The following KCNN2 variants were observed in gnomAD, a reference collection of about 807,000 sequenced individuals.
The protein encoded by KCNN2 is small conductance calcium-activated potassium channel protein 2.
A neutral mutation model predicts 55.5 loss-of-function variants in KCNN2; 24 were observed. The observed-to-expected ratio is 0.43, with a 90% CI of 0.31 to 0.61. The LOEUF is 0.61. Among genes scored for constraint, KCNN2 ranks in the 20% least tolerant of loss-of-function variants. KCNN2 has a pLI of 0.08. For synonymous variants in KCNN2, 431 were observed against 336.1 expected (o/e 1.28, Z -3.09); for missense variants, 754 against 853.6 (o/e 0.88, Z 1.45).
At chr5:114,103,027 C>T (rs182096923) in intron 1 of KCNN2, among the ~76,000 whole-genome samples, 39 of 152,204 alleles carry the variant, frequency 2.6e-4, no homozygotes, top group African/African-American at 9.1e-4. Context: ...TTACTTTGGG[C>T]AGTATGGCCA....
intron 1 of KCNN2, among the ~76,000 whole-genome samples, chr5:114,136,235 T>C (rs1752171405): frequency 6.6e-6 from 1 of 152,202 alleles, no homozygotes; most frequent in Non-Finnish European, 1.5e-5. Flanking sequence ...TGAAGACTAA[T>C]GCTATTATCA....
chr5:114,075,461 A>T (rs1187354127), intron 1 of KCNN2, among the ~76,000 whole-genome samples: 2 of 152,198 alleles, frequency 1.3e-5, no homozygotes, highest in African/African-American at 4.8e-5. Context: ...TCTCATTGAA[A>T]TTTTACTGTA....
chr5:114,080,669 A>G (rs1750794507), intron 1 of KCNN2, among the ~76,000 whole-genome samples: 1 of 152,220 alleles, frequency 6.6e-6, no homozygotes, highest in Non-Finnish European at 1.5e-5. Context: ...TAGTAAGAAT[A>G]GTAGGAACTA....
intron 2 of KCNN2, among the ~76,000 whole-genome samples, chr5:114,375,851 A>C (rs1408876672): frequency 6.6e-6 from 1 of 151,260 alleles, no homozygotes; most frequent in African/African-American, 2.4e-5. Flanking sequence ...AGAAAGCAAC[A>C]ACACAATTCA....
chr5:114,237,583 C>G (rs1045408172), intron 2 of KCNN2, among the ~76,000 whole-genome samples: 13 of 152,120 alleles, frequency 8.5e-5, no homozygotes, highest in Non-Finnish European at 1.9e-4. Context: ...AAGAAAGCAG[C>G]TTCACTTTTA....
At chr5:114,136,588 T>G (rs536620153) in intron 1 of KCNN2, among the ~76,000 whole-genome samples, 1 of 152,198 alleles carries the variant, frequency 6.6e-6, no homozygotes, top group South Asian at 2.1e-4. Flanking sequence ...GAAACTAATA[T>G]TTTTCTTCAT....
intron 1 of KCNN2, among the ~76,000 whole-genome samples, chr5:114,129,954 G>C (rs144027050): frequency 1.3e-5 from 2 of 152,304 alleles, no homozygotes; most frequent in East Asian, 3.9e-4. Context: ...ATAATTGCTA[G>C]AGGAGTCACT....
chr5:114,385,444 G>A (rs931218037), intron 2 of KCNN2, among the ~76,000 whole-genome samples: 14 of 151,686 alleles, frequency 9.2e-5, no homozygotes, highest in Admixed American at 3.9e-4. Context: ...TTCTTGTGGC[G>A]TATAATGTTC....
chr5:114,234,961 CAT>C (rs1302571752), intron 2 of KCNN2, among the ~76,000 whole-genome samples: 1 of 152,180 alleles, frequency 6.6e-6, no homozygotes, highest in African/African-American at 2.4e-5. Flanking sequence ...GTAAATTAAA[CAT>C]ATTTATGTCC....
At chr5:114,489,485 T>C (rs1037812) in intron 6 of KCNN2, among the ~76,000 whole-genome samples, 148,027 of 152,152 alleles carry the variant, frequency 0.97, 72,137 homozygotes, top group East Asian at 1. Flanking sequence ...TTCTGTCAGA[T>C]ATTTCTTATT....
At chr5:114,203,687 A>C (rs1753718227) in intron 1 of KCNN2, among the ~76,000 whole-genome samples, 1 of 152,188 alleles carries the variant, frequency 6.6e-6, no homozygotes, top group Admixed American at 6.5e-5. Flanking sequence ...ACAGCATCTG[A>C]CATTCTGCAC....
At chr5:114,429,471 A>G (rs1018767430) in intron 3 of KCNN2, among the ~76,000 whole-genome samples, 1 of 151,924 alleles carries the variant, frequency 6.6e-6, no homozygotes, top group African/African-American at 2.4e-5. Flanking sequence ...TGCCGTTCAG[A>G]TCTTTTGCCC....
intron 2 of KCNN2, among the ~76,000 whole-genome samples, chr5:114,263,186 T>G (rs140789681): frequency 1.6e-3 from 236 of 152,180 alleles, no homozygotes; most frequent in Non-Finnish European, 2.4e-3. Context: ...AAAAAAGCTT[T>G]GATTGAAAAC....
chr5:114,370,484 A>G (rs1214176909), intron 2 of KCNN2, among the ~76,000 whole-genome samples: 2 of 152,120 alleles, frequency 1.3e-5, no homozygotes, highest in Non-Finnish European at 2.9e-5. Context: ...GGAAGTTGTG[A>G]TAAATTCCCT....
At chr5:114,138,117 T>C (rs1752207325) in intron 1 of KCNN2, among the ~76,000 whole-genome samples, 1 of 152,142 alleles carries the variant, frequency 6.6e-6, no homozygotes, top group South Asian at 2.1e-4. Context: ...GAAAATCTGC[T>C]GTTTATTGTA....
chr5:114,311,473 T>A (rs1345583752), intron 2 of KCNN2, among the ~76,000 whole-genome samples: 2 of 151,776 alleles, frequency 1.3e-5, no homozygotes, highest in Non-Finnish European at 2.9e-5. Context: ...TTTTCCTTTA[T>A]AGTTGGATGA....
intron 1 of KCNN2, among the ~76,000 whole-genome samples, chr5:114,107,037 A>T (rs1343232992): frequency 6.6e-6 from 1 of 152,078 alleles, no homozygotes; most frequent in Non-Finnish European, 1.5e-5. Context: ...AGTCACATTA[A>T]GTCAATCCAT....
intron 3 of KCNN2, among the ~76,000 whole-genome samples, chr5:114,456,654 C>T (rs1046768874): frequency 3.3e-5 from 5 of 152,178 alleles, no homozygotes; most frequent in African/African-American, 1.2e-4. Context: ...ATTTATTCTA[C>T]ATGCCATTAA....
intron 1 of KCNN2, among the ~76,000 whole-genome samples, chr5:114,092,323 A>T (rs552554506): frequency 1.3e-5 from 2 of 152,312 alleles, no homozygotes; most frequent in African/African-American, 4.8e-5. Context: ...GGTCATGCTG[A>T]TACAAGAGGT....
Sources: gnomAD v4.1 joint callset for allele counts (sites outside exome capture counted in the v4.1 genomes callset) on GRCh38, gnomAD v4.1.1 for gene constraint, MANE v1.5 for transcripts, NCBI Gene and HGNC (gene_info 2026-07-23, HGNC 2026-07-21) for gene names.